The following TBXT variants were observed in gnomAD, a reference collection of about 807,000 sequenced individuals.
TBXT encodes T brachyury transcription factor.
A neutral mutation model predicts 41.1 loss-of-function variants in TBXT; 19 were observed. The observed-to-expected ratio is 0.46, with a 90% confidence interval of 0.32 to 0.68. The LOEUF is 0.68. Among genes scored for constraint, TBXT ranks in the 30% least tolerant of loss-of-function variants. The pLI, the probability that TBXT is intolerant of heterozygous loss-of-function variation, is 0.03. For missense variants in TBXT, 536 were observed against 582.0 expected (o/e 0.92, Z 0.81); for synonymous variants, 213 against 238.9 (o/e 0.89, Z 1.00).
rs779580423 is a variant in TBXT at position 166,160,797 on chromosome 6, C to T, written c.1037+40G>A. On this transcript the variant is annotated intron_variant, in intron 7 of 7. Transcript: ENST00000366876. ...AAACAGCGTGAAGTCACAGGCAGAG[C>T]TCCCAGGATGCTTTGCACCAGGTCC... is the stretch of plus-strand genomic sequence containing the variant. 5.6e-6 allele frequency: 9 copies of T among 1,612,690 alleles called. No homozygotes were observed. The Admixed American group carries it at 6.7e-5, about 12-fold the overall frequency.
At chr6:166,159,087 G>C (rs1423788455) in intron 7 of TBXT, among the ~76,000 whole-genome samples, 1 of 152,202 alleles carries the variant, frequency 6.6e-6, no homozygotes, top group Admixed American at 6.5e-5. Context: ...CAGGAGAATC[G>C]CTTGAACCCG....
chr6:166,165,964 A>C, intron 2 of TBXT, 124 bp from the exon 3 acceptor site: 1 of 1,463,422 alleles, frequency 6.8e-7, no homozygotes, highest in Non-Finnish European at 9.5e-7. Flanking sequence ...TGTTGAGGGA[A>C]GTGGGGTTCC....
chr6:166,157,677 T>G lies in TBXT; in HGVS notation c.*638A>C, dbSNP rs1161290957. ...CACATTTTGCATATTGCGTTTATTTTGCAGAAAATGCTTTCTGCTGATTGT... is the reference window on the plus strand; with the variant it reads ...CACATTTTGCATATTGCGTTTATTTGGCAGAAAATGCTTTCTGCTGATTGT... On this transcript the variant is annotated 3_prime_UTR_variant, in exon 8 of 8. Coordinates refer to ENST00000366876, the MANE Select transcript of TBXT (RefSeq NM_001366285.2). The G allele has an allele frequency of 2.0e-5, 3 of 153,644 alleles. No individual in the cohort carries two copies. Among genetic ancestry groups the G allele is most frequent in the Non-Finnish European group, 2.9e-5 (2 of 68,762 alleles). The allele number at this position is 153,644 out of a possible 1,614,324, so 9.5% of individuals were successfully genotyped here. A position where few individuals can be genotyped will look rare whatever the true frequency, so the allele number is the denominator to read the frequency against.
chr6:166,158,546 G>A lies in TBXT; in HGVS notation c.1080C>T (p.Thr360=), dbSNP rs775111459. Residue 360 remains threonine, a synonymous_variant, in exon 8 of 8, where the codon ACC becomes ACT. Transcript: ENST00000366876. ...ACACGGCTGCTGCCTGGGAGCCCGGGGTGACGGCGCCGTTGCTCACAGACC... is the reference window on the plus strand; with the variant it reads ...ACACGGCTGCTGCCTGGGAGCCCGGAGTGACGGCGCCGTTGCTCACAGACC... The part of the protein sequence containing the change: ...SLWSVSNGAV[T]PGSQAAAVSN... The A allele has an allele frequency of 9.4e-6, 15 of 1,594,918 alleles. No homozygotes were observed. Among genetic ancestry groups the A allele is most frequent in the Admixed American group, 1.7e-5 (1 of 58,752 alleles).
chr6:166,167,419 A>G lies in TBXT; in HGVS notation c.173T>C (p.Leu58Pro). The change falls in exon 1 of 8, where the codon CTC becomes CCC. Residue 58 changes from leucine (L) to proline (P), a missense_variant. Transcript: ENST00000366876. Reference protein sequence around the residue: ...ESELWLRFKELTNEMIVTKNG... With the variant: ...ESELWLRFKEPTNEMIVTKNG... ...CTTGGTCACGATCATCTCATTGGTG[A>G]GCTCCTTGAAGCGCAGCCACAGCTC... 2 of 1,613,104 alleles carry G rather than the reference A, an allele frequency of 1.2e-6. No homozygotes were observed. Among genetic ancestry groups the G allele is most frequent in the South Asian group, 1.1e-5 (1 of 91,090 alleles).
rs1779130226 is a variant in TBXT at position 166,166,762 on chromosome 6, G to A, written c.301C>T (p.Arg101Cys). ...LLDFVAADNH[R>C]WKYVNGEWVP... ...CATTCCCCGTTCACGTACTTCCAGC[G>A]GTGGTTGTCCGCCGCCACGAAGTCC... Residue 101 changes from arginine (R) to cysteine (C), a missense_variant, in exon 2 of 8, where the codon CGC becomes TGC. Transcript: ENST00000366876. 6.2e-7 allele frequency: 1 copy of A among 1,613,668 alleles called. No homozygotes were observed. Among genetic ancestry groups the A allele is most frequent in the Admixed American group, 1.7e-5 (1 of 60,012 alleles).
intron 3 of TBXT, 46 bp from the exon 4 acceptor site, chr6:166,164,907 A>G: frequency 6.5e-7 from 1 of 1,531,436 alleles, no homozygotes; most frequent in Non-Finnish European, 9.0e-7. Flanking sequence ...CCTATTAGCC[A>G]GGGGATTTAA....
intron 7 of TBXT, among the ~76,000 whole-genome samples, chr6:166,159,916 C>A (rs905904187): frequency 6.6e-6 from 1 of 151,654 alleles, no homozygotes; most frequent in East Asian, 2.0e-4. Flanking sequence ...CTGAAAGCTT[C>A]GCTTGTTTAC....
At position 166,167,758 on chromosome 6, in the gene TBXT, G is replaced by T; in HGVS notation, c.-167C>A. The T allele has an allele frequency of 1.2e-6, 1 of 816,564 alleles. No homozygotes were observed. The highest frequency in any genetic ancestry group is 1.9e-6 in the Non-Finnish European group (1 of 518,302). The allele number at this position is 816,564 out of a possible 1,614,324, so 50.6% of individuals were successfully genotyped here. On this transcript the variant is annotated 5_prime_UTR_variant, in exon 1 of 8. Coordinates refer to ENST00000366876, the MANE Select transcript of TBXT (RefSeq NM_001366285.2). ...CCCGGCACAGACCCGGGAGGAGGGC[G>T]CGGACCAAGACTTGGGGGGAGGGGA...
intron 1 of TBXT, 63 bp from the exon 2 acceptor site, chr6:166,166,919 G>T: frequency 1.2e-6 from 2 of 1,609,084 alleles, no homozygotes; most frequent in Non-Finnish European, 8.5e-7. Flanking sequence ...GGAGGCAGAA[G>T]CTGGGCACAG....
chr6:166,165,201 C>T (rs577458311), intron 3 of TBXT, among the ~76,000 whole-genome samples: 1 of 152,192 alleles, frequency 6.6e-6, no homozygotes, highest in African/African-American at 2.4e-5. Context: ...TTTCGGTCAA[C>T]GTCAACACCA....
At chr6:166,159,986 T>C (rs1262040143) in intron 7 of TBXT, among the ~76,000 whole-genome samples, 1 of 152,164 alleles carries the variant, frequency 6.6e-6, no homozygotes, top group African/African-American at 2.4e-5. Flanking sequence ...GGAACTGTTT[T>C]CTAGACAAGA....
At chr6:166,163,653 G>A (rs1779022919) in intron 5 of TBXT, among the ~76,000 whole-genome samples, 1 of 152,168 alleles carries the variant, frequency 6.6e-6, no homozygotes, top group Non-Finnish European at 1.5e-5. Flanking sequence ...CAAAGTGTTG[G>A]GATTACAGGC....
At position 166,167,110 on chromosome 6, in the gene TBXT, C is replaced by T. The variant is rs377464117; in HGVS notation, c.207-254G>A. On this transcript the variant is annotated intron_variant, in intron 1 of 7. Transcript: ENST00000366876. ...TTTCAGTGCAGGAGGCCACATCCCG[C>T]GGGGACAGGCGGGGACCAGGGCGCG... is the stretch of plus-strand genomic sequence containing the variant. Among the ~76,000 whole-genome samples the T allele has an allele frequency of 6.6e-5, 10 of 152,344 alleles. No individual in the cohort carries two copies. The East Asian group carries it at 1.4e-3, about 21-fold the overall frequency.
At chr6:166,168,174 C>T (rs1292867236), upstream of TBXT, among the ~76,000 whole-genome samples, 1 of 134,122 alleles carries the variant, frequency 7.5e-6, no homozygotes, top group East Asian at 2.0e-4. Context: ...CCCGGCCTGC[C>T]CCAGCCCGCC....
chr6:166,160,787 A>C (rs769325591), intron 7 of TBXT, 50 bp downstream of exon 7: 59 of 1,611,848 alleles, frequency 3.7e-5, no homozygotes, highest in Non-Finnish European at 4.9e-5. Flanking sequence ...GCGTGAAGTC[A>C]CAGGCAGAGC....
intron 4 of TBXT, 25 bp from the exon 5 acceptor site, chr6:166,164,691 A>G (rs777874690): frequency 6.2e-7 from 1 of 1,612,862 alleles, no homozygotes; most frequent in South Asian, 1.1e-5. Flanking sequence ...AAAAAAAAGT[A>G]TATCGAATTT....
intron 7 of TBXT, 78 bp downstream of exon 7, chr6:166,160,759 C>A: frequency 6.2e-7 from 1 of 1,600,190 alleles, no homozygotes; most frequent in Non-Finnish European, 8.5e-7. Context: ...GGACTAAGGG[C>A]CTATGGGAAT....
chr6:166,158,582 G>T lies in TBXT; in HGVS notation c.1044C>A (p.Tyr348Ter). 6.5e-7 allele frequency: 1 copy of T among 1,539,122 alleles called. No homozygotes were observed. The highest frequency in any genetic ancestry group is 8.8e-7 in the Non-Finnish European group (1 of 1,139,104). The change falls in exon 8 of 8, where the codon TAC becomes TAA. Residue 348 changes from tyrosine (Y) to a stop codon, truncating the protein, a stop_gained. Transcript: ENST00000366876. LOFTEE classifies it low-confidence loss of function (END_TRUNC). ...CGTTGCTCACAGACCACAGGCTGGG[G>T]TACTGACTGCAACAGAAAGACACCA... ...NASPPTSSSQ[Y>*]PSLWSVSNGA...
Sources: gnomAD v4.1 joint callset for allele counts (sites outside exome capture counted in the v4.1 genomes callset) on GRCh38, gnomAD v4.1.1 for gene constraint, MANE v1.5 for transcripts, NCBI Gene and HGNC (gene_info 2026-07-23, HGNC 2026-07-21) for gene names.